CACNA1C: variants seen among roughly 807,000 people sequenced by gnomAD.
CACNA1C encodes the protein voltage-dependent L-type calcium channel subunit alpha-1C.
A neutral mutation model predicts 229.0 loss-of-function variants in CACNA1C; 30 were observed. That is an observed-to-expected ratio of 0.13 (90% CI 0.10 to 0.18). CACNA1C has a LOEUF of 0.18. Among genes scored for constraint, CACNA1C ranks in the 10% least tolerant of loss-of-function variants. The pLI, the probability that CACNA1C is intolerant of heterozygous loss-of-function variation, is 1.00. For synonymous variants in CACNA1C, 1,114 were observed against 1,132.5 expected, an observed-to-expected ratio of 0.98 and a Z score of 0.33; for missense variants, 1,658 against 2,845.0, an observed-to-expected ratio of 0.58 and a Z score of 9.49.
intron 21 of CACNA1C, among the ~76,000 whole-genome samples, chr12:2,599,474 G>A (rs1182232382): frequency 6.6e-6 from 1 of 152,204 alleles, no homozygotes; most frequent in Non-Finnish European, 1.5e-5. Flanking sequence ...CATAGAAGAG[G>A]AAGAAGGCAG....
At position 2,410,256 on chromosome 12, in the gene CACNA1C, C is replaced by T. The variant is rs2098792107; in HGVS notation, c.478-38720C>T. On this transcript the variant is annotated intron_variant, in intron 3 of 46. Transcript: ENST00000399655. The surrounding 1 kb of genome is among the most constrained non-coding windows in gnomAD (Gnocchi z 5.3). Reference sequence around the variant, plus strand: ...ACCGCAGAATCGACCTCAACGAGCTCGTCGCCGGGCACCGTTTTAGCAGCC... The same window carrying T: ...ACCGCAGAATCGACCTCAACGAGCTTGTCGCCGGGCACCGTTTTAGCAGCC... Among the ~76,000 whole-genome samples the T allele has an allele frequency of 6.6e-6, 1 of 152,152 alleles. No individual in the cohort carries two copies. Among genetic ancestry groups the T allele is most frequent in the South Asian group, 2.1e-4 (1 of 4,830 alleles).
At chr12:2,576,844 G>A (rs2058593083) in intron 13 of CACNA1C, among the ~76,000 whole-genome samples, 1 of 152,088 alleles carries the variant, frequency 6.6e-6, no homozygotes, top group Non-Finnish European at 1.5e-5. Flanking sequence ...CCCTCAACCT[G>A]CTACCAGCCA....
At chr12:2,118,346 G>T (rs1232430211) in intron 2 of CACNA1C, among the ~76,000 whole-genome samples, 2 of 152,232 alleles carry the variant, frequency 1.3e-5, no homozygotes, top group Non-Finnish European at 2.9e-5. Flanking sequence ...TGGCCAGCCT[G>T]TGGGCTCGGT....
At chr12:2,553,556 G>A (rs1017742855) in intron 10 of CACNA1C, among the ~76,000 whole-genome samples, 3 of 152,216 alleles carry the variant, frequency 2.0e-5, no homozygotes, top group South Asian at 2.1e-4. Flanking sequence ...CTGATGCCAC[G>A]GTGGAGACTG....
chr12:2,074,487 C>A (rs1323095414), intron 1 of CACNA1C, among the ~76,000 whole-genome samples: 3 of 152,102 alleles, frequency 2.0e-5, no homozygotes, highest in Non-Finnish European at 4.4e-5. Flanking sequence ...CAAGTCTGAG[C>A]AGGTGCAGGC....
intron 42 of CACNA1C, among the ~76,000 whole-genome samples, chr12:2,680,199 T>C: frequency 6.6e-6 from 1 of 151,498 alleles, no homozygotes. Flanking sequence ...ATTGCTTCCC[T>C]GGAGCCCCTT....
intron 1 of CACNA1C, among the ~76,000 whole-genome samples, chr12:2,093,975 G>C (rs1196561418): frequency 2.6e-5 from 4 of 152,214 alleles, no homozygotes; most frequent in Non-Finnish European, 5.9e-5. Flanking sequence ...ATTTTCCCCA[G>C]TAACCTCCGC....
intron 3 of CACNA1C, among the ~76,000 whole-genome samples, chr12:2,433,115 A>C (rs1416903247): frequency 6.6e-6 from 1 of 152,226 alleles, no homozygotes; most frequent in African/African-American, 2.4e-5. Flanking sequence ...AAGGGTGTCC[A>C]GGCTGCTGCT....
intron 3 of CACNA1C, among the ~76,000 whole-genome samples, chr12:2,144,158 C>G (rs2094512772): frequency 6.6e-6 from 1 of 151,264 alleles, no homozygotes; most frequent in Admixed American, 6.6e-5. Context: ...AAATTAGGAG[C>G]TATCTGCAGG....
chr12:2,121,112 T>C (rs2086511020), intron 3 of CACNA1C, among the ~76,000 whole-genome samples: 1 of 152,198 alleles, frequency 6.6e-6, no homozygotes, highest in Non-Finnish European at 1.5e-5. Context: ...TGGAATGCAG[T>C]TGGCAAAATT....
intron 34 of CACNA1C, among the ~76,000 whole-genome samples, chr12:2,661,278 C>T (rs1366617704): frequency 8.0e-6 from 1 of 125,546 alleles, no homozygotes; most frequent in Non-Finnish European, 1.7e-5. Context: ...CATACACACA[C>T]ATACACACAC....
chr12:2,515,373 G>C (rs543872514), intron 9 of CACNA1C, among the ~76,000 whole-genome samples: 1 of 152,208 alleles, frequency 6.6e-6, no homozygotes, highest in African/African-American at 2.4e-5. Flanking sequence ...AGGTAAGACA[G>C]TGGCTCAGAA....
At chr12:2,640,183 G>A (rs987769661) in intron 30 of CACNA1C, among the ~76,000 whole-genome samples, 4 of 152,208 alleles carry the variant, frequency 2.6e-5, no homozygotes, top group African/African-American at 7.2e-5. Flanking sequence ...CAGACAGGAC[G>A]AACATCTGCC....
intron 3 of CACNA1C, among the ~76,000 whole-genome samples, chr12:2,298,965 G>A (rs1386532460): frequency 1.3e-5 from 2 of 152,210 alleles, no homozygotes; most frequent in Non-Finnish European, 2.9e-5. Context: ...ATGTGTGTGG[G>A]AATGTGGTCT....
intron 3 of CACNA1C, among the ~76,000 whole-genome samples, chr12:2,316,330 C>A (rs1227460261): frequency 6.6e-6 from 1 of 152,200 alleles, no homozygotes; most frequent in Non-Finnish European, 1.5e-5. Flanking sequence ...TCATACCTCC[C>A]TTATTGGGTT....
intron 1 of CACNA1C, among the ~76,000 whole-genome samples, chr12:1,999,528 C>T (rs1405781752): frequency 6.6e-6 from 1 of 152,126 alleles, no homozygotes; most frequent in African/African-American, 2.4e-5. Flanking sequence ...TGAGACCAGC[C>T]TGGGCAACAT....
intron 9 of CACNA1C, among the ~76,000 whole-genome samples, chr12:2,521,004 TCTGCTCCCCTTGGG>T (rs2099808678): frequency 6.6e-6 from 1 of 152,258 alleles, no homozygotes; most frequent in Non-Finnish European, 1.5e-5. Flanking sequence ...TAATAAAGGC[TCTGCTCCCCTTGGG>T]GAGACGCCTA....
intron 3 of CACNA1C, among the ~76,000 whole-genome samples, chr12:2,325,713 C>T (rs2096261266): frequency 6.6e-6 from 1 of 152,234 alleles, no homozygotes; most frequent in South Asian, 2.1e-4. Flanking sequence ...TGCTGCTTTC[C>T]TTCAAGTCAT....
chr12:2,675,945 A>G (rs1480371961), intron 39 of CACNA1C: 1 of 152,180 alleles, frequency 6.6e-6, no homozygotes, highest in African/African-American at 2.4e-5. Flanking sequence ...GTTGAGAACC[A>G]TTTGCCAGAG....
Sources: gnomAD v4.1 joint callset for allele counts (sites outside exome capture counted in the v4.1 genomes callset) on GRCh38, gnomAD v4.1.1 for gene constraint, Gnocchi (gnomAD v3.1) non-coding constraint, MANE v1.5 for transcripts, NCBI Gene and HGNC (gene_info 2026-07-23, HGNC 2026-07-21) for gene names.